The following PCDHGA3 variants were observed in gnomAD, a reference collection of about 807,000 sequenced individuals.
PCDHGA3 encodes the protein protocadherin gamma-A3.
In PCDHGA3, 40 loss-of-function variants were observed where a neutral mutation model predicts 58.5. The observed-to-expected ratio is 0.68, with a 90% confidence interval of 0.53 to 0.89. The LOEUF (loss-of-function observed/expected upper bound fraction) is 0.89. Ranked by LOEUF, PCDHGA3 falls within the 40% of genes least tolerant of loss-of-function variation. PCDHGA3 has a pLI of 0.00. For synonymous variants in PCDHGA3, 530 were observed against 525.7 expected (o/e 1.01, Z -0.11); for missense variants, 1,223 against 1,195.9 (o/e 1.02, Z -0.33).
At chr5:141,350,498 G>C in intron 1 of PCDHGA3, 1 of 1,614,024 alleles carries the variant, frequency 6.2e-7, no homozygotes. Flanking sequence ...GGAGAGCGGG[G>C]ATTTGTTAGT....
At chr5:141,358,135 A>G (rs1760830618) in intron 1 of PCDHGA3, among the ~76,000 whole-genome samples, 1 of 152,246 alleles carries the variant, frequency 6.6e-6, no homozygotes, top group Non-Finnish European at 1.5e-5. Context: ...GGTTGCAATG[A>G]GCTGAGATCA....
intron 1 of PCDHGA3, chr5:141,390,048 T>C (rs1307418187): frequency 1.2e-6 from 2 of 1,613,948 alleles, no homozygotes; most frequent in African/African-American, 1.3e-5. Context: ...CCCCGCCTCC[T>C]GGAGCTGCTT....
At chr5:141,399,048 G>T (rs779434482) in intron 1 of PCDHGA3, 1 of 1,613,830 alleles carries the variant, frequency 6.2e-7, no homozygotes, top group East Asian at 2.2e-5. Context: ...ATTTTGAAGA[G>T]ACCAAGGAAT....
Position 141,431,168 on chromosome 5 carries a change from G to A in PCDHGA3, c.2425-63639G>A, listed in dbSNP as rs779778442. On this transcript the variant is annotated intron_variant, in intron 1 of 3. Coordinates refer to ENST00000253812, the MANE Select transcript of PCDHGA3 (RefSeq NM_018916.4). This position sits in a 1 kb window ranked among gnomAD's most constrained non-coding sequence, Gnocchi z 4.8. Reference sequence around the variant, plus strand: ...CAATGCGCCTTACTTTCGTGAAAGTGAATTAGAAATAAAAATTAGTGAAAA... The same window carrying A: ...CAATGCGCCTTACTTTCGTGAAAGTAAATTAGAAATAAAAATTAGTGAAAA... The A allele has an allele frequency of 9.9e-6, 16 of 1,614,206 alleles. No individual in the cohort carries two copies. The Admixed American group carries it at 1.2e-4, about 12-fold the overall frequency.
intron 1 of PCDHGA3, chr5:141,427,176 G>A (rs777424789): frequency 2.2e-6 from 1 of 456,742 alleles, no homozygotes; most frequent in Non-Finnish European, 4.4e-6. Context: ...TCAAAATGGG[G>A]AAATTAAATC....
Position 141,394,592 on chromosome 5 carries a change from G to A in PCDHGA3, c.2424+48135G>A, listed in dbSNP as rs754585576. The A allele has an allele frequency of 3.3e-4, 534 of 1,613,642 alleles. 1 individual carries two copies. Among genetic ancestry groups the A allele is most frequent in the Non-Finnish European group, 4.3e-4 (502 of 1,180,046 alleles). On this transcript the variant is annotated intron_variant, in intron 1 of 3. Coordinates refer to ENST00000253812, the MANE Select transcript of PCDHGA3 (RefSeq NM_018916.4). ...GCTACCTGGTGACCAAGGTGGTGGC[G>A]GTGGACAGAGACTCGGGCCAGAACG...
At chr5:141,498,919 C>T (rs897611505) in intron 2 of PCDHGA3, among the ~76,000 whole-genome samples, 34 of 122,310 alleles carry the variant, frequency 2.8e-4, no homozygotes, top group African/African-American at 3.4e-4. Flanking sequence ...GGTGACAGAG[C>T]GAGACTCCAT....
At chr5:141,510,408 T>C (rs1447722710) in intron 3 of PCDHGA3, among the ~76,000 whole-genome samples, 1 of 151,878 alleles carries the variant, frequency 6.6e-6, no homozygotes, top group African/African-American at 2.4e-5. Flanking sequence ...GCTAGGGGCA[T>C]GTAAAGCCAT....
rs766688660 is a variant in PCDHGA3, at chr5:141,344,559, G to A, written c.526G>A (p.Asp176Asn). ...SLQNYKLSPN[D>N]YFSLAVNSVS... is the part of the protein sequence containing the mutation. The stretch of plus-strand genomic sequence containing the variant: ...GCAGAACTACAAGCTTAGCCCCAAT[G>A]ACTACTTCTCTCTGGCTGTGAATAG... Residue 176 changes from aspartate to asparagine, a missense_variant, in exon 1 of 4, where the codon GAC becomes AAC. By Grantham distance (23) the Asp-to-Asn change is conservative. Around this residue, in one of 3 missense-constraint regions of PCDHGA3, gnomAD observed 791 missense variants for 708.5 expected, o/e 1.12. Coordinates refer to ENST00000253812, the MANE Select transcript of PCDHGA3 (RefSeq NM_018916.4). 1 of 1,614,008 alleles carries A rather than the reference G, an allele frequency of 6.2e-7. No homozygotes were observed. Among genetic ancestry groups the A allele is most frequent in the South Asian group, 1.1e-5 (1 of 91,084 alleles).
At chr5:141,410,739 A>G in intron 1 of PCDHGA3, 1 of 1,303,782 alleles carries the variant, frequency 7.7e-7, no homozygotes. Flanking sequence ...GCTTTTTACA[A>G]TATTTTCTCA....
rs780541121 is a variant in PCDHGA3 at position 141,477,533 on chromosome 5, G to T, written c.2425-17274G>T. ...TTACATTGAAGAAAACAACCTCCCCGGGGCTCCAATACTAAACCTAAGTGT... is the reference window on the plus strand; with the variant it reads ...TTACATTGAAGAAAACAACCTCCCCTGGGCTCCAATACTAAACCTAAGTGT... On this transcript the variant is annotated intron_variant, in intron 1 of 3. Coordinates refer to ENST00000253812, the MANE Select transcript of PCDHGA3 (RefSeq NM_018916.4). This position sits in a 1 kb window ranked among gnomAD's most constrained non-coding sequence, Gnocchi z 4.9. 6.2e-7 allele frequency: 1 copy of T among 1,614,010 alleles called. No homozygotes were observed. The highest frequency in any genetic ancestry group is 1.1e-5 in the South Asian group (1 of 91,066).
chr5:141,413,725 C>A, intron 1 of PCDHGA3: 1 of 1,613,546 alleles, frequency 6.2e-7, no homozygotes, highest in Non-Finnish European at 8.5e-7. Flanking sequence ...GCACTTCTCC[C>A]TAAGAGTTCA....
Position 141,476,757 on chromosome 5 carries a change from T to C in PCDHGA3, c.2425-18050T>C. On this transcript the variant is annotated intron_variant, in intron 1 of 3. Coordinates refer to ENST00000253812, the MANE Select transcript of PCDHGA3 (RefSeq NM_018916.4). This position sits in a 1 kb window ranked among gnomAD's most constrained non-coding sequence, Gnocchi z 7.6. ...CGGGAGCCTAGTCTCCAGTTAGTGC[T>C]GACGGCGTTGGACGGAGGGACCCCA... 1.2e-6 allele frequency: 2 copies of C among 1,613,906 alleles called. No individual in the cohort carries two copies. The highest frequency in any genetic ancestry group is 1.7e-6 in the Non-Finnish European group (2 of 1,180,004).
intron 1 of PCDHGA3, chr5:141,405,320 C>A (rs1183399090): frequency 6.2e-7 from 1 of 1,614,188 alleles, no homozygotes; most frequent in South Asian, 1.1e-5. Flanking sequence ...GAAAAATGAG[C>A]CTTTGTGCGT....
intron 1 of PCDHGA3, among the ~76,000 whole-genome samples, chr5:141,464,901 G>A (rs1562002452): frequency 6.6e-6 from 1 of 151,916 alleles, no homozygotes; most frequent in Non-Finnish European, 1.5e-5. Context: ...ACCATGTCCA[G>A]CTAATTTTTT....
chr5:141,469,510 G>T (rs1022804863), intron 1 of PCDHGA3, among the ~76,000 whole-genome samples: 3 of 152,118 alleles, frequency 2.0e-5, no homozygotes, highest in African/African-American at 7.2e-5. Context: ...GGGAGGTGGA[G>T]GTTGCAGTGA....
chr5:141,472,579 G>T (rs1172183592), intron 1 of PCDHGA3, among the ~76,000 whole-genome samples: 3 of 151,928 alleles, frequency 2.0e-5, no homozygotes, highest in Non-Finnish European at 4.4e-5. Context: ...GCATCTCATT[G>T]GTCAGAAGCT....
intron 1 of PCDHGA3, chr5:141,350,089 C>T (rs1286662794): frequency 4.4e-6 from 2 of 452,318 alleles, no homozygotes. Context: ...GCAGGAGCGT[C>T]AGGCAGGGTG....
At chr5:141,393,970 C>T (rs746781669) in intron 1 of PCDHGA3, 5 of 1,613,870 alleles carry the variant, frequency 3.1e-6, no homozygotes, top group Middle Eastern at 3.3e-4. Flanking sequence ...GTCTGTTACA[C>T]ACGTGATAAT....
Sources: allele counts gnomAD v4.1 joint callset (sites outside exome capture counted in the v4.1 genomes callset), GRCh38; gene constraint gnomAD v4.1.1; regional missense constraint gnomAD v4.1.1; non-coding constraint Gnocchi (gnomAD v3.1); transcripts MANE v1.5; gene names NCBI Gene and HGNC (gene_info 2026-07-23, HGNC 2026-07-21).